Variants in ZNF468 observed in about 807,000 individuals in gnomAD.
ZNF468 encodes the protein zinc finger protein 468.
In ZNF468, 8 loss-of-function variants were observed where a neutral mutation model predicts 7.2. That is an observed-to-expected ratio of 1.11 (90% confidence interval 0.65 to 2.01). The LOEUF is 2.01. ZNF468 is among the 30% of genes most tolerant of loss of function. The pLI is 0.00. For synonymous variants in ZNF468, 218 were observed against 214.4 expected (o/e 1.02, Z -0.15); for missense variants, 608 against 626.5 (o/e 0.97, Z 0.31).
chr19:52,850,702 A>T (rs545502681), intron 2 of ZNF468, among the ~76,000 whole-genome samples: 74 of 150,790 alleles, frequency 4.9e-4, no homozygotes, highest in African/African-American at 1.6e-3. Context: ...GATCGAGACC[A>T]TCCTGGCTAA....
chr19:52,849,381 T>C (rs1332896292), intron 2 of ZNF468, 168 bp from the exon 3 acceptor site: 1 of 1,359,920 alleles, frequency 7.4e-7, no homozygotes. Flanking sequence ...TGTATTTTAT[T>C]ACACTTTTTG....
chr19:52,857,288 G>C (rs1055310220), intron 1 of ZNF468, among the ~76,000 whole-genome samples: 4 of 152,214 alleles, frequency 2.6e-5, no homozygotes, highest in Non-Finnish European at 5.9e-5. Context: ...ACTTTAAAAA[G>C]AGCCGTGCGG....
chr19:52,849,026 A>T (rs986033594), intron 3 of ZNF468, 61 bp downstream of exon 3: 1 of 1,596,822 alleles, frequency 6.3e-7, no homozygotes, highest in African/African-American at 1.4e-5. Flanking sequence ...TTCCTAAGAG[A>T]CAATAAGAGA....
At position 52,840,824 on chromosome 19, in the gene ZNF468, A is replaced by C. The variant is rs1385200779; in HGVS notation, c.1470T>G (p.Thr490=). The C allele has an allele frequency of 1.2e-6, 2 of 1,608,460 alleles. 1 individual carries two copies. The highest frequency in any genetic ancestry group is 4.5e-5 in the East Asian group (2 of 44,756). ...CATTACACTTGTAAGGTTTCTCTCC[A>C]GTATGAAGCCTACGATGGATTATAA... ...SSLIIHRRLH[T]GEKPYKCNEC... is the part of the protein sequence containing the mutation. The change falls in exon 4 of 4, where the codon ACT becomes ACG. Residue 490 remains threonine (T), a synonymous_variant. Transcript: ENST00000595646.
At chr19:52,844,388 C>T (rs2063327457) in intron 3 of ZNF468, among the ~76,000 whole-genome samples, 1 of 151,890 alleles carries the variant, frequency 6.6e-6, no homozygotes, top group Admixed American at 6.5e-5. Context: ...TGGCACCTTG[C>T]TCTTGGATTT....
intron 2 of ZNF468, 97 bp downstream of exon 2, chr19:52,854,161 G>C (rs1031957662): frequency 6.2e-7 from 1 of 1,605,556 alleles, no homozygotes; most frequent in Non-Finnish European, 8.5e-7. Context: ...GAGCAAACAT[G>C]TCAGGCAGGT....
chr19:52,856,528 C>CGT (rs1267894509), intron 1 of ZNF468, among the ~76,000 whole-genome samples: 2 of 123,862 alleles, frequency 1.6e-5, no homozygotes, highest in African/African-American at 2.7e-5. Flanking sequence ...GTTATAACCC[C>CGT]CTGGACCCAA....
intron 3 of ZNF468, 74 bp from the exon 4 acceptor site, chr19:52,842,225 C>T: frequency 8.6e-6 from 11 of 1,285,010 alleles, no homozygotes; most frequent in South Asian, 1.9e-5. Context: ...GTAAATATCA[C>T]AGAAAAAAAA....
rs148227946 is a variant in ZNF468 at position 52,840,362 on chromosome 19, C to T, written c.*363G>A. 276 of 470,346 alleles carry T rather than the reference C, an allele frequency of 5.9e-4. 2 individuals carry two copies. The highest frequency in any genetic ancestry group is 1.8e-3 in the African/African-American group (89 of 50,040). The allele number at this position is 470,346 out of a possible 1,614,324, so 29.1% of individuals were successfully genotyped here. On this transcript the variant is annotated 3_prime_UTR_variant, in exon 4 of 4. Coordinates refer to ENST00000595646, the MANE Select transcript of ZNF468 (RefSeq NM_001008801.2). ...ATTACAAGGTGTGAATTTTGACCAA[C>T]GGTCTTGCCACACTCATTACACTTA...
rs142401274 is a variant in ZNF468, at chr19:52,839,414, C to A, written c.*1311G>T. 1,137 of 348,984 alleles carry A rather than the reference C, an allele frequency of 3.3e-3. 10 individuals carry two copies. The highest frequency in any genetic ancestry group is 7.5e-3 in the Middle Eastern group (13 of 1,734). The allele number at this position is 348,984 out of a possible 1,614,324, so 21.6% of individuals were successfully genotyped here. ...ATGGCCCCCAGTGCAATCCTCTTAA[C>A]ATAAACAGTTTAATGGCAATTAATG... is the stretch of plus-strand genomic sequence containing the variant. On this transcript the variant is annotated 3_prime_UTR_variant, in exon 4 of 4. Coordinates refer to ENST00000595646, the MANE Select transcript of ZNF468 (RefSeq NM_001008801.2).
rs1481301231 is a variant in ZNF468 at position 52,841,545 on chromosome 19, T to C, written c.749A>G (p.Lys250Arg). ...AAGGTATCGCTTCTGATTAAAGACC[T>C]TGCCACATACATCACATTTACATTG... is the stretch of plus-strand genomic sequence containing the variant. ...EKQCKCDVCG[K>R]VFNQKRYLAC... The change falls in exon 4 of 4, where the codon AAG (lysine) becomes AGG (arginine). Residue 250 changes from lysine (K) to arginine (R), a missense_variant. Physicochemically the swap from Lys to Arg is conservative, Grantham distance 26. Coordinates refer to ENST00000595646, the MANE Select transcript of ZNF468 (RefSeq NM_001008801.2). 1 of 1,614,156 alleles carries C rather than the reference T, an allele frequency of 6.2e-7. No homozygotes were observed. The highest frequency in any genetic ancestry group is 2.2e-5 in the East Asian group (1 of 44,866).
chr19:52,849,291 G>C, intron 2 of ZNF468, 78 bp from the exon 3 acceptor site: 1 of 1,601,524 alleles, frequency 6.2e-7, no homozygotes. Flanking sequence ...GAGGAGAGAG[G>C]GGAAAGCATG....
intron 1 of ZNF468, among the ~76,000 whole-genome samples, chr19:52,856,533 A>C (rs572470247): frequency 3.0e-4 from 37 of 123,044 alleles, no homozygotes; most frequent in African/African-American, 9.4e-4. Flanking sequence ...AACCCCCTGG[A>C]CCCAATCTGG....
chr19:52,849,355 A>G, intron 2 of ZNF468, 142 bp from the exon 3 acceptor site: 2 of 1,491,608 alleles, frequency 1.3e-6, no homozygotes, highest in Non-Finnish European at 1.8e-6. Flanking sequence ...TTCTCACTAC[A>G]TGATGTCTCC....
chr19:52,854,014 C>T (rs1379035217), intron 2 of ZNF468: 10 of 1,491,958 alleles, frequency 6.7e-6, no homozygotes, highest in Non-Finnish European at 8.0e-6. Context: ...ACCCTCACCC[C>T]GTGTCCATCC....
At chr19:52,854,118 T>C in intron 2 of ZNF468, 140 bp downstream of exon 2, 4 of 1,576,804 alleles carry the variant, frequency 2.5e-6, no homozygotes, top group Middle Eastern at 1.7e-4. Flanking sequence ...CTAAGCGAGA[T>C]GAGAGGGACT....
rs1332334641 is a variant in ZNF468, at chr19:52,838,538, A to C, written c.*2187T>G. ...GAAATCAAACTCATCCAAATCAGAA[A>C]GAAAGAAGTCAAATTTTATTTGTTT... On this transcript the variant is annotated 3_prime_UTR_variant, in exon 4 of 4. Transcript: ENST00000595646. 6.6e-6 allele frequency: 1 copy of C among 152,178 alleles called. No individual in the cohort carries two copies. The highest frequency in any genetic ancestry group is 1.5e-5 in the Non-Finnish European group (1 of 68,036). 9.4% of individuals were successfully genotyped at this position (152,178 alleles called of 1,614,324 possible).
chr19:52,853,586 T>G (rs1333295460), intron 2 of ZNF468, among the ~76,000 whole-genome samples: 11,812 of 121,184 alleles, frequency 0.097, 1 homozygote, highest in African/African-American at 0.14. Context: ...AGCTACTAGG[T>G]GGGCTGAGGC....
At chr19:52,846,874 G>A (rs1339738724) in intron 3 of ZNF468, among the ~76,000 whole-genome samples, 5 of 151,998 alleles carry the variant, frequency 3.3e-5, no homozygotes, top group African/African-American at 7.3e-5. Flanking sequence ...GGTGGTGTGC[G>A]CCTGCAGTTC....
Sources: allele counts gnomAD v4.1 joint callset (sites outside exome capture counted in the v4.1 genomes callset), GRCh38; gene constraint gnomAD v4.1.1; transcripts MANE v1.5; gene names NCBI Gene and HGNC (gene_info 2026-07-23, HGNC 2026-07-21).